Variants in INSL6 observed in about 807,000 individuals in gnomAD.
INSL6 encodes the protein insulin like 6.
INSL6 carries 16 observed loss-of-function variants against 9.4 expected under a neutral mutation model. The ratio of observed to expected loss-of-function variants is 1.70; its 90% CI spans 1.15 to 2.59. The LOEUF (loss-of-function observed/expected upper bound fraction) is 2.59. Among genes scored for constraint, INSL6 ranks in the 30% most tolerant of loss-of-function variants. The pLI is 0.00. For synonymous variants in INSL6, 154 were observed against 96.9 expected, an observed-to-expected ratio of 1.59 and a Z score of -3.46; for missense variants, 391 against 257.3, an observed-to-expected ratio of 1.52 and a Z score of -3.56.
At chr9:5,082,097 G>A in the INSL6 span, among the ~76,000 whole-genome samples, 1 of 151,904 alleles carries the variant, frequency 6.6e-6, no homozygotes, top group Non-Finnish European at 1.5e-5. Flanking sequence ...CAGAGACTGA[G>A]AAAAGAAAGA....
the INSL6 span, among the ~76,000 whole-genome samples, chr9:5,059,583 G>T: frequency 6.6e-6 from 1 of 152,070 alleles, no homozygotes; most frequent in Admixed American, 6.5e-5. Context: ...ATATCCTAGA[G>T]ATAGGATTAT....
At chr9:5,062,476 AGTTT>A in the INSL6 span, among the ~76,000 whole-genome samples, 1 of 139,204 alleles carries the variant, frequency 7.2e-6, no homozygotes, top group African/African-American at 2.7e-5. Flanking sequence ...GCTCCACTTA[AGTTT>A]GTCAGAAACC....
chr9:5,023,576 G>T, the INSL6 span, among the ~76,000 whole-genome samples: 1 of 152,208 alleles, frequency 6.6e-6, no homozygotes, highest in Non-Finnish European at 1.5e-5. Context: ...GGGGTTCACA[G>T]TAGGAATGTG....
chr9:5,111,943 A>G, the INSL6 span: 17 of 344,942 alleles, frequency 4.9e-5, no homozygotes, highest in African/African-American at 6.6e-5. Context: ...CACTCAAGCA[A>G]TAACTTGTGG....
chr9:5,167,903 C>T (rs377558048), intron 1 of INSL6, among the ~76,000 whole-genome samples: 9 of 152,274 alleles, frequency 5.9e-5, no homozygotes, highest in East Asian at 1.9e-4. Context: ...GCAGCCTCCA[C>T]GGTGATACCT....
chr9:5,005,619 T>A, the INSL6 span, among the ~76,000 whole-genome samples: 1 of 152,196 alleles, frequency 6.6e-6, no homozygotes, highest in Admixed American at 6.5e-5. Context: ...TCCAGTGTAA[T>A]TTTTTTCCTT....
chr9:5,010,169 G>A, the INSL6 span, among the ~76,000 whole-genome samples: 4 of 152,118 alleles, frequency 2.6e-5, no homozygotes, highest in African/African-American at 9.7e-5. Flanking sequence ...CTGATTTGCT[G>A]ATAGCACCTT....
chr9:5,171,679 C>T (rs1436471834), intron 1 of INSL6, among the ~76,000 whole-genome samples: 1 of 152,180 alleles, frequency 6.6e-6, no homozygotes, highest in Non-Finnish European at 1.5e-5. Context: ...AGGTCACACA[C>T]ATTCCTGTAT....
At chr9:5,131,626 G>T (rs1393955000) in intron 3 of INSL6, among the ~76,000 whole-genome samples, 2 of 151,866 alleles carry the variant, frequency 1.3e-5, no homozygotes, top group Non-Finnish European at 2.9e-5. Flanking sequence ...TACTAGTAGA[G>T]ACAGGGTTTC....
the INSL6 span, among the ~76,000 whole-genome samples, chr9:5,115,229 C>A: frequency 2.0e-5 from 3 of 152,192 alleles, no homozygotes; most frequent in East Asian, 5.8e-4. Context: ...AAAAAAACAA[C>A]CCCATCAAAA....
chr9:5,133,805 C>T (rs1247951648), intron 2 of INSL6, among the ~76,000 whole-genome samples: 1 of 151,982 alleles, frequency 6.6e-6, no homozygotes, highest in African/African-American at 2.4e-5. Flanking sequence ...AGGATCACAA[C>T]TCCTCGCTAG....
chr9:5,131,264 T>C (rs1249317056), intron 3 of INSL6, among the ~76,000 whole-genome samples: 2 of 152,158 alleles, frequency 1.3e-5, no homozygotes, highest in African/African-American at 2.4e-5. Context: ...TGAGCTTTTA[T>C]TGGCTATCCT....
the INSL6 span, among the ~76,000 whole-genome samples, chr9:5,068,188 A>G: frequency 1.4e-4 from 20 of 148,056 alleles, no homozygotes; most frequent in Non-Finnish European, 2.6e-4. Flanking sequence ...AAAAAAAAAA[A>G]ACAAGAAAGG....
At chr9:5,182,095 TA>T (rs2130923373) in intron 1 of INSL6, among the ~76,000 whole-genome samples, 1 of 152,232 alleles carries the variant, frequency 6.6e-6, no homozygotes, top group South Asian at 2.1e-4. Flanking sequence ...TCTAGGTTCA[TA>T]AGGGGACACA....
At chr9:5,161,543 C>G (rs1345204715), downstream of INSL6, among the ~76,000 whole-genome samples, 1 of 152,134 alleles carries the variant, frequency 6.6e-6, no homozygotes, top group African/African-American at 2.4e-5. Flanking sequence ...AGGTTGTCCC[C>G]TTTCACTACT....
intron 1 of INSL6, among the ~76,000 whole-genome samples, chr9:5,167,937 G>A (rs1022825616): frequency 4.6e-5 from 7 of 152,150 alleles, no homozygotes; most frequent in Non-Finnish European, 7.4e-5. Context: ...AAACCAAGGT[G>A]AATAAAGTCT....
intron 3 of INSL6, chr9:5,126,043 GTTTT>G (rs537204831): frequency 1.8e-5 from 4 of 222,020 alleles, no homozygotes; most frequent in African/African-American, 9.1e-5. Context: ...AAAAATATGA[GTTTT>G]TTAACAACAA....
At chr9:5,058,947 T>G in the INSL6 span, among the ~76,000 whole-genome samples, 1 of 152,240 alleles carries the variant, frequency 6.6e-6, no homozygotes, top group Non-Finnish European at 1.5e-5. Context: ...TTCAAATATA[T>G]GATTTGCAAA....
chr9:5,061,834 T>C, the INSL6 span, among the ~76,000 whole-genome samples: 2 of 151,938 alleles, frequency 1.3e-5, no homozygotes, highest in African/African-American at 2.4e-5. Context: ...CTTAATCATT[T>C]CTAGCTTTTG....
Sources: gnomAD v4.1 joint callset for allele counts (sites outside exome capture counted in the v4.1 genomes callset) on GRCh38, gnomAD v4.1.1 for gene constraint, MANE v1.5 for transcripts, NCBI Gene and HGNC (gene_info 2026-07-23, HGNC 2026-07-21) for gene names.